ERBB4: variants seen among roughly 807,000 people sequenced by gnomAD.
ERBB4 encodes the protein receptor tyrosine-protein kinase erbB-4.
In ERBB4, 42 loss-of-function variants were observed where a neutral mutation model predicts 158.0. The observed-to-expected ratio is 0.27, with a 90% CI of 0.21 to 0.34. The LOEUF is 0.34. Ranked by LOEUF, ERBB4 falls within the 10% of genes least tolerant of loss-of-function variation. The pLI, the probability that ERBB4 is intolerant of heterozygous loss-of-function variation, is 1.00. For missense variants in ERBB4, 1,333 were observed against 1,624.1 expected (o/e 0.82, Z 3.08); for synonymous variants, 583 against 558.7 (o/e 1.04, Z -0.61).
intron 20 of ERBB4, among the ~76,000 whole-genome samples, chr2:211,508,809 A>G (rs1211517466): frequency 6.6e-6 from 1 of 152,144 alleles, no homozygotes; most frequent in African/African-American, 2.4e-5. Context: ...TGGCACCTGT[A>G]GTCCCAGCTA....
chr2:212,291,895 G>A (rs1006547495), intron 1 of ERBB4, among the ~76,000 whole-genome samples: 24 of 151,770 alleles, frequency 1.6e-4, no homozygotes, highest in African/African-American at 5.6e-4. Flanking sequence ...ACAATTGTAG[G>A]GAAGAAAAGA....
chr2:211,711,572 G>A (rs1046757215), intron 9 of ERBB4, among the ~76,000 whole-genome samples: 3 of 152,112 alleles, frequency 2.0e-5, no homozygotes, highest in African/African-American at 4.8e-5. Context: ...GAAACAAGAC[G>A]AAAATAACAC....
intron 1 of ERBB4, among the ~76,000 whole-genome samples, chr2:212,399,442 T>C (rs1363819431): frequency 2.0e-5 from 3 of 150,828 alleles, no homozygotes; most frequent in Non-Finnish European, 4.4e-5. Flanking sequence ...TGAAATGTGA[T>C]TCTGCACAAT....
intron 2 of ERBB4, among the ~76,000 whole-genome samples, chr2:211,949,980 G>A (rs1372085839): frequency 6.6e-6 from 1 of 152,064 alleles, no homozygotes. Flanking sequence ...GTTAACTTGT[G>A]TGTCTCATGT....
chr2:211,416,994 A>G (rs2063408674), intron 25 of ERBB4, among the ~76,000 whole-genome samples: 1 of 152,106 alleles, frequency 6.6e-6, no homozygotes, highest in African/African-American at 2.4e-5. Flanking sequence ...CATCTATTCC[A>G]GGTCCATTAA....
At chr2:211,409,930 T>C (rs1419798653) in intron 25 of ERBB4, among the ~76,000 whole-genome samples, 1 of 152,180 alleles carries the variant, frequency 6.6e-6, no homozygotes, top group Non-Finnish European at 1.5e-5. Flanking sequence ...GAGTACATAG[T>C]TACTTATGCA....
intron 4 of ERBB4, among the ~76,000 whole-genome samples, chr2:211,762,513 G>GA (rs1263402835): frequency 1.3e-5 from 2 of 152,128 alleles, no homozygotes; most frequent in East Asian, 3.9e-4. Context: ...TTCAGAAAGG[G>GA]AAACAGAAAC....
At chr2:211,469,893 G>A (rs570235234) in intron 20 of ERBB4, among the ~76,000 whole-genome samples, 65 of 152,222 alleles carry the variant, frequency 4.3e-4, no homozygotes, top group African/African-American at 1.6e-3. Flanking sequence ...TCAACCTTAA[G>A]TGTGTTTAAG....
At chr2:211,724,564 A>G (rs2074206533) in intron 6 of ERBB4, among the ~76,000 whole-genome samples, 1 of 152,280 alleles carries the variant, frequency 6.6e-6, no homozygotes, top group East Asian at 1.9e-4. Flanking sequence ...GTACTGTGTC[A>G]GGAATATGAT....
intron 12 of ERBB4, among the ~76,000 whole-genome samples, chr2:211,691,812 C>T (rs2072832328): frequency 6.6e-6 from 1 of 151,952 alleles, no homozygotes; most frequent in Non-Finnish European, 1.5e-5. Context: ...TTAGTGCTCT[C>T]AGAAAACTGA....
rs537955178 is a variant in ERBB4 at position 212,423,175 on chromosome 2, CA to C, written c.82+115273del. On this transcript the variant is annotated intron_variant, in intron 1 of 27. Transcript: ENST00000342788. ...ATAGGGTTTAGGTAAGTGAAGGGGG[CA>C]AAAAAAAATGCAATTATAAGCAAAT... Among the ~76,000 whole-genome samples the C allele has an allele frequency of 2.2e-3, 323 of 147,370 alleles. 3 individuals are homozygous for C. The highest frequency in any genetic ancestry group is 3.5e-3 in the Middle Eastern group (1 of 288).
At chr2:211,707,732 A>G (rs1003197754) in intron 9 of ERBB4, among the ~76,000 whole-genome samples, 1 of 152,174 alleles carries the variant, frequency 6.6e-6, no homozygotes, top group African/African-American at 2.4e-5. Context: ...ATTCTAAATA[A>G]GAAAATGAGT....
At chr2:212,117,031 C>A (rs2079591246) in intron 2 of ERBB4, among the ~76,000 whole-genome samples, 1 of 152,140 alleles carries the variant, frequency 6.6e-6, no homozygotes, top group South Asian at 2.1e-4. Context: ...TAAAAGCCAG[C>A]CGTAAATACA....
intron 3 of ERBB4, among the ~76,000 whole-genome samples, chr2:211,918,400 C>T (rs1175773850): frequency 6.6e-6 from 1 of 152,040 alleles, no homozygotes; most frequent in African/African-American, 2.4e-5. Flanking sequence ...ATTCAGTTTC[C>T]ATTAGAAACT....
intron 27 of ERBB4, 98 bp downstream of exon 27, chr2:211,386,755 G>T: frequency 8.5e-7 from 1 of 1,172,046 alleles, no homozygotes; most frequent in Non-Finnish European, 1.3e-6. Context: ...CACAAATGTT[G>T]TGCTGGTCAG....
chr2:212,182,177 A>G (rs1341461874), intron 1 of ERBB4, among the ~76,000 whole-genome samples: 1 of 151,796 alleles, frequency 6.6e-6, no homozygotes, highest in East Asian at 1.9e-4. Flanking sequence ...AGTTCATTTA[A>G]TCCAAATACT....
intron 3 of ERBB4, among the ~76,000 whole-genome samples, chr2:211,901,662 C>T (rs575882953): frequency 2.5e-4 from 38 of 152,182 alleles, no homozygotes; most frequent in African/African-American, 5.8e-4. Flanking sequence ...ATTAAGGCAT[C>T]GCATATAACG....
At chr2:211,831,493 T>A (rs2077218989) in intron 3 of ERBB4, among the ~76,000 whole-genome samples, 1 of 152,174 alleles carries the variant, frequency 6.6e-6, no homozygotes, top group South Asian at 2.1e-4. Context: ...CAGCTATGGC[T>A]TTTTCTTAGT....
chr2:212,081,771 A>G (rs560270453), intron 2 of ERBB4, among the ~76,000 whole-genome samples: 1 of 152,260 alleles, frequency 6.6e-6, no homozygotes, highest in South Asian at 2.1e-4. Flanking sequence ...GAAGCAGAAT[A>G]CAACATTACA....
Sources: gnomAD v4.1 joint callset for allele counts (sites outside exome capture counted in the v4.1 genomes callset) on GRCh38, gnomAD v4.1.1 for gene constraint, MANE v1.5 for transcripts, NCBI Gene and HGNC (gene_info 2026-07-23, HGNC 2026-07-21) for gene names.